Variants in PTPRD observed in about 807,000 individuals in gnomAD.
PTPRD encodes receptor-type tyrosine-protein phosphatase delta.
PTPRD carries 34 observed loss-of-function variants against 214.5 expected under a neutral mutation model. That is an observed-to-expected ratio of 0.16 (90% confidence interval 0.12 to 0.21). The LOEUF (loss-of-function observed/expected upper bound fraction) is 0.21, where lower values mean the gene tolerates loss of function less well. PTPRD is among the 10% of genes least tolerant of loss of function. The pLI is 1.00. For synonymous variants in PTPRD, 1,128 were observed against 845.7 expected, an observed-to-expected ratio of 1.33 and a Z score of -5.79; for missense variants, 2,545 against 2,398.7, an observed-to-expected ratio of 1.06 and a Z score of -1.27.
At chr9:8,450,970 T>C (rs1472416285) in intron 33 of PTPRD, among the ~76,000 whole-genome samples, 1 of 152,060 alleles carries the variant, frequency 6.6e-6, no homozygotes, top group African/African-American at 2.4e-5. Flanking sequence ...GTTTAGGAAC[T>C]TTCCTTTTCT....
At chr9:10,395,344 A>G (rs2098147605) in intron 2 of PTPRD, among the ~76,000 whole-genome samples, 1 of 151,128 alleles carries the variant, frequency 6.6e-6, no homozygotes, top group Non-Finnish European at 1.5e-5. Context: ...GAGTGAGAAC[A>G]TGCGGTGTTT....
chr9:9,652,432 T>A (rs977872645), intron 7 of PTPRD, among the ~76,000 whole-genome samples: 5 of 152,122 alleles, frequency 3.3e-5, no homozygotes, highest in Non-Finnish European at 5.9e-5. Flanking sequence ...GAACTTGTAG[T>A]TGGGGAAGGT....
intron 8 of PTPRD, among the ~76,000 whole-genome samples, chr9:9,557,268 A>G (rs1189177131): frequency 2.0e-5 from 3 of 152,232 alleles, no homozygotes; most frequent in East Asian, 1.9e-4. Flanking sequence ...GTAGCCTCCT[A>G]CCTTTGGAAT....
At chr9:9,194,407 A>G (rs1294011776) in intron 9 of PTPRD, among the ~76,000 whole-genome samples, 1 of 152,130 alleles carries the variant, frequency 6.6e-6, no homozygotes, top group Non-Finnish European at 1.5e-5. Flanking sequence ...ACATAATTTT[A>G]TGTGCTCTAC....
At chr9:8,601,291 C>G (rs1055440855) in intron 14 of PTPRD, among the ~76,000 whole-genome samples, 1 of 152,204 alleles carries the variant, frequency 6.6e-6, no homozygotes, top group African/African-American at 2.4e-5. Flanking sequence ...GATGGCATCT[C>G]TGAATCTGCC....
At chr9:9,302,590 G>GTTT (rs761833535) in intron 9 of PTPRD, among the ~76,000 whole-genome samples, 1 of 84,628 alleles carries the variant, frequency 1.2e-5, no homozygotes, top group East Asian at 4.3e-4. Context: ...ATGTTTTGTA[G>GTTT]TTTTTTTTTT....
In PTPRD at chr9:8,456,365, C is replaced by T. The variant is rs73424290; in HGVS notation, c.3875+4046G>A. ...AAGAGAGGACAGAAAATGAGGCAGG[C>T]ACCCAGAAAGGCTTGATTTAGTAGG... On this transcript the variant is annotated intron_variant, in intron 33 of 45. Transcript: ENST00000381196. Among the ~76,000 whole-genome samples the T allele has an allele frequency of 3.6e-3, 548 of 152,194 alleles. 3 individuals carry two copies. Among genetic ancestry groups the T allele is most frequent in the African/African-American group, 0.013 (531 of 41,540 alleles).
intron 11 of PTPRD, among the ~76,000 whole-genome samples, chr9:8,932,299 G>T (rs150490718): frequency 2.6e-5 from 4 of 152,088 alleles, no homozygotes; most frequent in East Asian, 1.9e-4. Context: ...GGCATTTAGC[G>T]CAATAATTTT....
chr9:8,582,575 G>A (rs1471495587), intron 14 of PTPRD, among the ~76,000 whole-genome samples: 1 of 151,902 alleles, frequency 6.6e-6, no homozygotes, highest in Non-Finnish European at 1.5e-5. Context: ...AGGGAAAAAA[G>A]GAAATTAACT....
chr9:8,738,036 C>T (rs7872326), intron 11 of PTPRD, among the ~76,000 whole-genome samples: 12,405 of 152,098 alleles, frequency 0.082, 1,372 homozygotes, highest in African/African-American at 0.25. Context: ...TATAACTCCC[C>T]GGTTTCTTAT....
In PTPRD at chr9:9,183,335, A is replaced by C. The variant is rs1490429460; in HGVS notation, c.-174T>G. 31 of 152,042 alleles carry C rather than the reference A, an allele frequency of 2.0e-4. No individual in the cohort carries two copies. The highest frequency in any genetic ancestry group is 2.0e-3 in the Admixed American group (31 of 15,216). The allele number at this position is 152,042 out of a possible 1,614,324, so 9.4% of individuals were successfully genotyped here. A position where few individuals can be genotyped will look rare whatever the true frequency, so the allele number is the denominator to read the frequency against. On this transcript the variant is annotated 5_prime_UTR_variant, in exon 10 of 46. Transcript: ENST00000381196. ...TTAGCCACCGTCGGTGTTTTCAGAC[A>C]CAGTCCCTGGCCTCAAGAAGTTCAA...
chr9:9,072,663 T>G (rs1346275113), intron 10 of PTPRD, among the ~76,000 whole-genome samples: 1 of 152,218 alleles, frequency 6.6e-6, no homozygotes, highest in Admixed American at 6.5e-5. Context: ...TGAGTCTTCA[T>G]TAGAGTCCTG....
At chr9:8,779,535 T>A (rs116966952) in intron 11 of PTPRD, among the ~76,000 whole-genome samples, 2,943 of 152,224 alleles carry the variant, frequency 0.019, 34 homozygotes, top group Admixed American at 0.036. Flanking sequence ...CCAAAGACTG[T>A]CATACATATT....
intron 3 of PTPRD, among the ~76,000 whole-genome samples, chr9:10,147,119 C>T (rs933927698): frequency 1.8e-4 from 27 of 152,100 alleles, no homozygotes; most frequent in African/African-American, 5.3e-4. Context: ...TATAAGGGAT[C>T]TAGAGTATTT....
Position 8,315,549 on chromosome 9 carries a change from A to G in PTPRD, c.*2325T>C, listed in dbSNP as rs1213215315. ...AAAAGAAAATAATGATAACAGACCC[A>G]CATAGTGCACATTCTTCTCTGGTTC... On this transcript the variant is annotated 3_prime_UTR_variant, in exon 46 of 46. Transcript: ENST00000381196. The G allele has an allele frequency of 4.3e-6, 1 of 231,264 alleles. No homozygotes were observed. The allele number at this position is 231,264 out of a possible 1,614,324, so 14.3% of individuals were successfully genotyped here. A position where few individuals can be genotyped will look rare whatever the true frequency, so the allele number is the denominator to read the frequency against.
chr9:10,515,575 A>C (rs528666113), intron 2 of PTPRD, among the ~76,000 whole-genome samples: 1 of 109,016 alleles, frequency 9.2e-6, no homozygotes, highest in Non-Finnish European at 2.2e-5. Context: ...TTTAATTTTT[A>C]TTTAAAATTT....
intron 35 of PTPRD, among the ~76,000 whole-genome samples, chr9:8,405,762 C>G (rs1459723682): frequency 1.3e-5 from 2 of 152,006 alleles, no homozygotes; most frequent in African/African-American, 4.8e-5. Context: ...AAAATATACT[C>G]TATTATGTTA....
intron 2 of PTPRD, among the ~76,000 whole-genome samples, chr9:10,495,820 G>A: frequency 6.6e-6 from 1 of 151,650 alleles, no homozygotes; most frequent in East Asian, 1.9e-4. Context: ...ATTACTTAAT[G>A]GTATATGTTA....
chr9:9,505,297 T>C (rs1004461633), intron 8 of PTPRD, among the ~76,000 whole-genome samples: 4 of 151,630 alleles, frequency 2.6e-5, no homozygotes, highest in East Asian at 1.9e-4. Flanking sequence ...TAAATCCTTC[T>C]CTTCTTTATA....
Sources: gnomAD v4.1 joint callset for allele counts (sites outside exome capture counted in the v4.1 genomes callset) on GRCh38, gnomAD v4.1.1 for gene constraint, MANE v1.5 for transcripts, NCBI Gene and HGNC (gene_info 2026-07-23, HGNC 2026-07-21) for gene names.